Variants in TRMT112 observed in about 807,000 individuals in gnomAD.
TRMT112 encodes tRNA methyltransferase activator subunit 11-2, also known as multifunctional methyltransferase subunit TRM112-like protein.
A neutral mutation model predicts 13.8 loss-of-function variants in TRMT112; 9 were observed. The ratio of observed to expected loss-of-function variants is 0.65; its 90% confidence interval spans 0.39 to 1.14. The LOEUF (loss-of-function observed/expected upper bound fraction) is 1.14. TRMT112 is among the 50% of genes most tolerant of loss of function. The pLI is 0.01. For synonymous variants in TRMT112, 64 were observed against 67.0 expected, an observed-to-expected ratio of 0.96 and a Z score of 0.22; for missense variants, 196 against 165.5, an observed-to-expected ratio of 1.18 and a Z score of -1.01.
At position 64,316,810 on chromosome 11, in the gene TRMT112, A is replaced by T; in HGVS notation, c.*51T>A. ...ACGGCAGAATTCGGAAACAGGGTAT[A>T]GATCAACAAAAATACACAGTCATAA... On this transcript the variant is annotated 3_prime_UTR_variant, in exon 4 of 4. Coordinates refer to ENST00000544844, the MANE Select transcript of TRMT112 (RefSeq NM_016404.3). 7.8e-7 allele frequency: 1 copy of T among 1,275,066 alleles called. No homozygotes were observed. Among genetic ancestry groups the T allele is most frequent in the Middle Eastern group, 2.6e-4 (1 of 3,810 alleles). 79.0% of individuals were successfully genotyped at this position (1,275,066 alleles called of 1,614,324 possible). A position where few individuals can be genotyped will look rare whatever the true frequency, so the allele number is the denominator to read the frequency against.
intron 2 of TRMT112, 51 bp downstream of exon 2, chr11:64,317,213 T>G: frequency 3.1e-6 from 5 of 1,608,256 alleles, no homozygotes; most frequent in Non-Finnish European, 4.3e-6. Flanking sequence ...GGCTGAGGTG[T>G]GCCCGCCCCG....
upstream of TRMT112, chr11:64,317,582 C>G (rs1334098564): frequency 2.7e-6 from 4 of 1,474,562 alleles, no homozygotes; most frequent in Admixed American, 9.1e-5. Flanking sequence ...CCTCCGCTGC[C>G]TCACTTCCGG....
chr11:64,317,176 G>C (rs749345186), intron 2 of TRMT112, 29 bp from the exon 3 acceptor site: 14 of 1,612,462 alleles, frequency 8.7e-6, no homozygotes, highest in Admixed American at 5.0e-5. Flanking sequence ...AATTATCTCC[G>C]GGCATCCCGA....
chr11:64,317,893 A>C (rs1195743792), upstream of TRMT112: 6 of 1,320,800 alleles, frequency 4.5e-6, no homozygotes, highest in Non-Finnish European at 5.9e-6. Flanking sequence ...TCTGTATCCC[A>C]CTTTCGGTTA....
At position 64,316,506 on chromosome 11, in the gene TRMT112, C is replaced by T. The variant is rs1204911096; in HGVS notation, c.*355G>A. 1 of 231,678 alleles carries T rather than the reference C, an allele frequency of 4.3e-6. No individual in the cohort carries two copies. Among genetic ancestry groups the T allele is most frequent in the African/African-American group, 2.3e-5 (1 of 43,438 alleles). 14.4% of individuals were successfully genotyped at this position (231,678 alleles called of 1,614,324 possible). On this transcript the variant is annotated 3_prime_UTR_variant, in exon 4 of 4. Coordinates refer to ENST00000544844, the MANE Select transcript of TRMT112 (RefSeq NM_016404.3). The stretch of plus-strand genomic sequence containing the variant: ...CCTGGGGTGGCCAGGGCTTCCCCAT[C>T]AGCTCCCAACGAGCCTCCTCAGGGG...
Position 64,317,535 on chromosome 11 carries a change from A to AC in TRMT112, c.-10dup. ...TGGGTAAGCAGTTTCATGTCGCCGC[A>AC]CAAACTCTCGCCAGGCCGGAACCGG... On this transcript the variant is annotated 5_prime_UTR_variant, in exon 1 of 4. Coordinates refer to ENST00000544844, the MANE Select transcript of TRMT112 (RefSeq NM_016404.3). 6.4e-7 allele frequency: 1 copy of AC among 1,553,074 alleles called. No homozygotes were observed. The highest frequency in any genetic ancestry group is 1.9e-5 in the Admixed American group (1 of 52,666).
chr11:64,317,961 C>T (rs2035351448), upstream of TRMT112: 1 of 1,394,304 alleles, frequency 7.2e-7, no homozygotes, highest in South Asian at 1.6e-5. Context: ...AGCCGCACCT[C>T]ATTCCTATAT....
chr11:64,318,147 G>T (rs950924466), upstream of TRMT112: 11 of 1,593,642 alleles, frequency 6.9e-6, no homozygotes, highest in African/African-American at 1.5e-4. Context: ...CCGCTGTGCC[G>T]CTAGCGGTGC....
At chr11:64,317,176 G>A (rs749345186) in intron 2 of TRMT112, 29 bp from the exon 3 acceptor site, 14 of 1,612,464 alleles carry the variant, frequency 8.7e-6, no homozygotes, top group African/African-American at 2.7e-5. Context: ...AATTATCTCC[G>A]GGCATCCCGA....
chr11:64,318,113 A>T (rs2035357956), upstream of TRMT112: 1 of 1,522,140 alleles, frequency 6.6e-7, no homozygotes, highest in Non-Finnish European at 8.8e-7. Context: ...GAGGCGGCCC[A>T]GGCCCGCCTT....
chr11:64,317,567 G>T, upstream of TRMT112: 1 of 1,496,210 alleles, frequency 6.7e-7, no homozygotes, highest in South Asian at 1.3e-5. Context: ...CCGGAAAAAG[G>T]TCGTCCTCCG....
chr11:64,318,303 G>A (rs143054032), upstream of TRMT112: 12 of 1,612,504 alleles, frequency 7.4e-6, no homozygotes, highest in African/African-American at 1.5e-4. Flanking sequence ...GGCAGCGGCA[G>A]CAAGACGGTA....
upstream of TRMT112, chr11:64,317,579 T>C (rs573216664): frequency 1.3e-5 from 19 of 1,477,896 alleles, no homozygotes; most frequent in East Asian, 3.7e-4. Flanking sequence ...CGTCCTCCGC[T>C]GCCTCACTTC....
chr11:64,318,035 C>A, upstream of TRMT112: 1 of 1,431,248 alleles, frequency 7.0e-7, no homozygotes, highest in Non-Finnish European at 9.1e-7. Flanking sequence ...CTGTCCAGCA[C>A]CCAGTGCAAA....
chr11:64,317,718 G>A, upstream of TRMT112: 1 of 755,614 alleles, frequency 1.3e-6, no homozygotes, highest in Non-Finnish European at 2.1e-6. Flanking sequence ...CGCCGCTACC[G>A]GAAGCGTCTC....
At chr11:64,318,434 C>T (rs1388451138), upstream of TRMT112, 3 of 1,555,786 alleles carry the variant, frequency 1.9e-6, no homozygotes, top group Non-Finnish European at 2.6e-6. Flanking sequence ...ACCCCCATGG[C>T]AATCCCCGTC....
chr11:64,318,028 T>G, upstream of TRMT112: 5 of 1,427,894 alleles, frequency 3.5e-6, no homozygotes, highest in Non-Finnish European at 4.6e-6. Context: ...GCGTCGGCTG[T>G]CCAGCACCCA....
At chr11:64,317,699 C>G (rs574303235), upstream of TRMT112, 27 of 789,086 alleles carry the variant, frequency 3.4e-5, no homozygotes, top group Middle Eastern at 2.6e-4. Context: ...AAAGACCTGT[C>G]GGGTCACGCG....
At chr11:64,317,899 G>GTC, upstream of TRMT112, 7 of 1,336,358 alleles carry the variant, frequency 5.2e-6, no homozygotes, top group Non-Finnish European at 6.7e-6. Flanking sequence ...TCCCACTTTC[G>GTC]GTTAAGGGGC....
Sources: allele counts gnomAD v4.1 joint callset, GRCh38; gene constraint gnomAD v4.1.1; transcripts MANE v1.5; gene names NCBI Gene and HGNC (gene_info 2026-07-23, HGNC 2026-07-21).